The following PCDH20 variants were observed in gnomAD, a reference collection of about 807,000 sequenced individuals.
PCDH20 encodes protocadherin-20.
In PCDH20, 18 loss-of-function variants were observed where a neutral mutation model predicts 39.7. The observed-to-expected ratio is 0.45, with a 90% confidence interval of 0.31 to 0.67. The LOEUF (loss-of-function observed/expected upper bound fraction) is 0.67. Ranked by LOEUF, PCDH20 falls within the 30% of genes least tolerant of loss-of-function variation. The pLI is 0.05. For missense variants in PCDH20, 1,161 were observed against 1,167.4 expected (o/e 0.99, Z 0.08); for synonymous variants, 495 against 455.4 (o/e 1.09, Z -1.11).
At chr13:61,415,100 G>T (rs1434680498) in exon 1 of PCDH20, 1 of 1,560,378 alleles carries the variant, frequency 6.4e-7, no homozygotes, top group Non-Finnish European at 8.7e-7. Flanking sequence ...GTGCCAGGTC[G>T]CCGGGCACCA....
At chr13:61,409,854 G>T (rs1165201393) in exon 2 of PCDH20, 1 of 151,986 alleles carries the variant, frequency 6.6e-6, no homozygotes, top group Non-Finnish European at 1.5e-5. Context: ...AAGTGAGAAA[G>T]AAATTATGAA....
rs536515369 is a variant in PCDH20 at position 61,414,940 on chromosome 13, G to C, written c.132+87C>G. ...TTCCCGTGAAGTTTAGATAAAGGTA[G>C]AAGGTTTGAAAAACCATCCGAGTGG... On this transcript the variant is annotated intron_variant, in intron 1 of 1. Coordinates refer to ENST00000409204, the Ensembl canonical transcript of PCDH20. 428 of 1,278,302 alleles carry C rather than the reference G, an allele frequency of 3.3e-4. 1 individual carries two copies. Among genetic ancestry groups the C allele is most frequent in the Non-Finnish European group, 4.1e-4 (413 of 995,852 alleles). The allele number at this position is 1,278,302 out of a possible 1,614,324, so 79.2% of individuals were successfully genotyped here.
exon 2 of PCDH20, chr13:61,412,275 A>G: frequency 6.2e-7 from 1 of 1,614,132 alleles, no homozygotes; most frequent in Non-Finnish European, 8.5e-7. Flanking sequence ...CAGCTCTGAC[A>G]GTGTATCTGT....
chr13:61,415,681 C>T (rs1462279129), upstream of PCDH20: 1 of 152,274 alleles, frequency 6.6e-6, no homozygotes, highest in Non-Finnish European at 1.5e-5. Context: ...GCACTTTTCT[C>T]AGCGGAGGGA....
At chr13:61,413,057 C>G in exon 2 of PCDH20, 1 of 1,614,192 alleles carries the variant, frequency 6.2e-7, no homozygotes, top group Non-Finnish European at 8.5e-7. Flanking sequence ...GTCCCCAAGT[C>G]TTTATCCACA....
chr13:61,413,430 A>T (rs777859611), exon 2 of PCDH20: 4 of 1,613,906 alleles, frequency 2.5e-6, no homozygotes, highest in Non-Finnish European at 3.4e-6. Flanking sequence ...GGGTGTTTAC[A>T]GGTGCATTTT....
At chr13:61,413,360 A>T (rs1387422089) in exon 2 of PCDH20, 1 of 1,613,970 alleles carries the variant, frequency 6.2e-7, no homozygotes, top group African/African-American at 1.3e-5. Context: ...AGTAAGCGAT[A>T]GGTCTGTACC....
chr13:61,413,211 C>T, exon 2 of PCDH20: 1 of 1,614,042 alleles, frequency 6.2e-7, no homozygotes, highest in Non-Finnish European at 8.5e-7. Context: ...GTGGTGGAGA[C>T]CCACCATCCT....
rs996027549 is a variant in PCDH20 at position 61,413,830 on chromosome 13, C to A, written c.269G>T (p.Arg90Leu). 1.9e-6 allele frequency: 3 copies of A among 1,612,776 alleles called. No individual in the cohort carries two copies. In the South Asian group the frequency reaches 3.3e-5, roughly 18 times the overall value. Residue 90 changes from arginine (R) to leucine (L), a missense_variant, in exon 2 of 2, where the codon CGG becomes CTG. This residue lies in a region of PCDH20 where 401 missense variants were observed against 368.7 expected (regional missense o/e 1.09). Transcript: ENST00000409204. ...CCTCCCTGCAGACCTGGGCAGCAGC[C>A]GCAGGTCCTCGGCCAGGCTGCCGAT...
exon 2 of PCDH20, chr13:61,413,821 G>A: frequency 6.2e-7 from 1 of 1,612,898 alleles, no homozygotes; most frequent in Non-Finnish European, 8.5e-7. Context: ...TGCAGACCTG[G>A]GCAGCAGCCG....
exon 2 of PCDH20, chr13:61,412,440 A>T (rs1385167988): frequency 6.2e-7 from 1 of 1,614,124 alleles, no homozygotes; most frequent in Non-Finnish European, 8.5e-7. Flanking sequence ...GCTTAGTCAA[A>T]AAGGCATTGG....
At chr13:61,413,752 G>A in exon 2 of PCDH20, 2 of 1,613,798 alleles carry the variant, frequency 1.2e-6, no homozygotes, top group Non-Finnish European at 1.7e-6. Flanking sequence ...GAAGGAGAGA[G>A]GGGGGTTCCA....
At chr13:61,413,442 C>A (rs1263843852) in exon 2 of PCDH20, 2 of 1,613,770 alleles carry the variant, frequency 1.2e-6, no homozygotes, top group East Asian at 4.5e-5. Flanking sequence ...GTGCATTTTC[C>A]GGGACCCACA....
Position 61,411,608 on chromosome 13 carries a change from C to A in PCDH20, c.2491G>T (p.Glu831Ter). The change falls in exon 2 of 2, where the codon GAG becomes TAG. Residue 831 changes from glutamate to a stop codon, truncating the protein, a stop_gained. Coordinates refer to ENST00000409204, the Ensembl canonical transcript of PCDH20. LOFTEE classifies it low-confidence loss of function (END_TRUNC). ...ACCATGACTGTGGAGTGGAGAGGCT[C>A]GGGATAACCATGATCACTCACTTTC... 6.2e-7 allele frequency: 1 copy of A among 1,614,152 alleles called. No individual in the cohort carries two copies. The highest frequency in any genetic ancestry group is 1.1e-5 in the South Asian group (1 of 91,078).
intron 1 of PCDH20, 118 bp downstream of exon 1, chr13:61,414,909 C>A: frequency 8.3e-7 from 1 of 1,210,748 alleles, no homozygotes; most frequent in Non-Finnish European, 1.1e-6. Flanking sequence ...CCTCCCGGCG[C>A]CATCCTTCCC....
exon 2 of PCDH20, chr13:61,411,794 C>T: frequency 6.2e-7 from 1 of 1,614,196 alleles, no homozygotes; most frequent in Non-Finnish European, 8.5e-7. Context: ...TTGTCGACAG[C>T]ATAGACTTCT....
exon 2 of PCDH20, chr13:61,410,405 T>C (rs1347691255): frequency 6.6e-6 from 1 of 152,212 alleles, no homozygotes; most frequent in Non-Finnish European, 1.5e-5. Flanking sequence ...TGAATGCCTA[T>C]GAAGCAACTA....
At chr13:61,411,917 T>A (rs1017978677) in exon 2 of PCDH20, 1 of 1,613,986 alleles carries the variant, frequency 6.2e-7, no homozygotes, top group African/African-American at 1.3e-5. Flanking sequence ...AGAATTGTGA[T>A]TTTTGCTGTA....
Position 61,411,684 on chromosome 13 carries a change from A to G in PCDH20, c.2415T>C (p.Thr805=), listed in dbSNP as rs780027847. 2.5e-6 allele frequency: 4 copies of G among 1,614,042 alleles called. 1 individual carries two copies. The African/African-American group carries it at 5.3e-5, about 22-fold the overall frequency. Residue 805 remains threonine (T), a synonymous_variant, in exon 2 of 2, where the codon ACT becomes ACC. Coordinates refer to ENST00000409204, the Ensembl canonical transcript of PCDH20. ...CTGTCTGCAGCAATGCCTCTTCCAAAGTAATGTTGCCAGTTTTAGGGTCAA... is the reference window on the plus strand; with the variant it reads ...CTGTCTGCAGCAATGCCTCTTCCAAGGTAATGTTGCCAGTTTTAGGGTCAA...
Sources: gnomAD v4.1 joint callset for allele counts on GRCh38, gnomAD v4.1.1 for gene constraint, gnomAD v4.1.1 regional missense constraint, MANE v1.5 for transcripts, NCBI Gene and HGNC (gene_info 2026-07-23, HGNC 2026-07-21) for gene names.